TAFA2: variants seen among roughly 807,000 people sequenced by gnomAD.
TAFA2 encodes the protein TAFA chemokine like family member 2, also known as chemokine-like protein TAFA-2.
TAFA2 carries 7 observed loss-of-function variants against 18.8 expected under a neutral mutation model. The ratio of observed to expected loss-of-function variants is 0.37; its 90% CI spans 0.21 to 0.70. The LOEUF (loss-of-function observed/expected upper bound fraction) is 0.70. Ranked by LOEUF, TAFA2 falls within the 30% of genes least tolerant of loss-of-function variation. The pLI is 0.53. For missense variants in TAFA2, 122 were observed against 158.1 expected (o/e 0.77, Z 1.23); for synonymous variants, 60 against 54.2 (o/e 1.11, Z -0.47).
intron 1 of TAFA2, among the ~76,000 whole-genome samples, chr12:62,070,197 C>T (rs1393634187): frequency 6.6e-6 from 1 of 152,144 alleles, no homozygotes; most frequent in East Asian, 1.9e-4. Flanking sequence ...TAGCAATGGA[C>T]TGCAGAGATA....
chr12:62,256,558 G>A (rs1338933492), intron 1 of TAFA2, among the ~76,000 whole-genome samples: 4 of 152,092 alleles, frequency 2.6e-5, no homozygotes, highest in African/African-American at 9.7e-5. Context: ...ATAAGAAAAC[G>A]AATGGTCACA....
chr12:62,238,287 A>G (rs2136988189), intron 1 of TAFA2, among the ~76,000 whole-genome samples: 1 of 152,272 alleles, frequency 6.6e-6, no homozygotes, highest in East Asian at 1.9e-4. Context: ...CTCAGCCCCA[A>G]ATTTAAATTC....
intron 1 of TAFA2, among the ~76,000 whole-genome samples, chr12:61,980,408 T>A (rs1022058800): frequency 2.6e-5 from 4 of 152,148 alleles, no homozygotes; most frequent in Non-Finnish European, 5.9e-5. Flanking sequence ...AAGACAAGGA[T>A]GCCCTCTCTC....
At chr12:62,258,108 AAAT>A (rs1389765582) in intron 1 of TAFA2, 1 of 152,196 alleles carries the variant, frequency 6.6e-6, no homozygotes, top group Non-Finnish European at 1.5e-5. Flanking sequence ...TATAGACTTG[AAAT>A]AATAATAGTA....
intron 1 of TAFA2, among the ~76,000 whole-genome samples, chr12:62,060,884 T>C (rs941986717): frequency 6.6e-6 from 1 of 152,050 alleles, no homozygotes; most frequent in Non-Finnish European, 1.5e-5. Flanking sequence ...GAACATCCCA[T>C]GTACCCCATA....
chr12:62,249,261 C>CG (rs1322630675), intron 1 of TAFA2, among the ~76,000 whole-genome samples: 1 of 112,908 alleles, frequency 8.9e-6, no homozygotes, highest in African/African-American at 3.8e-5. Context: ...CTGCTCCCTC[C>CG]TTTTTTTTCC....
intron 2 of TAFA2, among the ~76,000 whole-genome samples, chr12:61,757,088 A>T (rs1195985271): frequency 1.3e-5 from 2 of 152,076 alleles, no homozygotes; most frequent in Admixed American, 1.3e-4. Flanking sequence ...GTATTACATC[A>T]TCTATCTATT....
intron 1 of TAFA2, among the ~76,000 whole-genome samples, chr12:62,015,713 C>G (rs1157170097): frequency 6.6e-6 from 1 of 152,130 alleles, no homozygotes; most frequent in Non-Finnish European, 1.5e-5. Flanking sequence ...AGTTCACATC[C>G]TCACATAGAT....
chr12:62,057,468 G>T (rs1175589370), intron 1 of TAFA2, among the ~76,000 whole-genome samples: 2 of 151,664 alleles, frequency 1.3e-5, no homozygotes, highest in Non-Finnish European at 2.9e-5. Flanking sequence ...TTATATGAGG[G>T]TTTATTCCTA....
At chr12:62,122,959 A>G (rs543114520) in intron 1 of TAFA2, among the ~76,000 whole-genome samples, 12 of 152,160 alleles carry the variant, frequency 7.9e-5, no homozygotes, top group Non-Finnish European at 1.6e-4. Flanking sequence ...CTCAACATGC[A>G]TAAAACCAGT....
At chr12:61,783,751 G>GA (rs1870607616) in intron 2 of TAFA2, among the ~76,000 whole-genome samples, 1 of 151,194 alleles carries the variant, frequency 6.6e-6, no homozygotes, top group African/African-American at 2.4e-5. Context: ...TACATCCTAA[G>GA]AAAAAATCAA....
At chr12:62,252,607 A>G (rs2062919552) in intron 1 of TAFA2, 1 of 152,162 alleles carries the variant, frequency 6.6e-6, no homozygotes, top group South Asian at 2.1e-4. Flanking sequence ...ACACAGCAAC[A>G]TATGCTGGCC....
intron 1 of TAFA2, among the ~76,000 whole-genome samples, chr12:62,150,286 T>C (rs956144257): frequency 2.0e-5 from 3 of 152,226 alleles, no homozygotes; most frequent in Non-Finnish European, 4.4e-5. Flanking sequence ...TTTCTGTATA[T>C]GGACCTTTAT....
At chr12:62,155,216 T>A (rs2062360245) in intron 1 of TAFA2, among the ~76,000 whole-genome samples, 1 of 151,984 alleles carries the variant, frequency 6.6e-6, no homozygotes, top group African/African-American at 2.4e-5. Context: ...AATATATACA[T>A]AATGCTTAGG....
chr12:61,831,154 T>C (rs1372257013), intron 2 of TAFA2, among the ~76,000 whole-genome samples: 1 of 152,094 alleles, frequency 6.6e-6, no homozygotes, highest in Non-Finnish European at 1.5e-5. Context: ...GTGTAAGGAT[T>C]TAATTGGATC....
intron 2 of TAFA2, among the ~76,000 whole-genome samples, chr12:61,810,292 G>A (rs900270210): frequency 2.0e-5 from 3 of 148,296 alleles, no homozygotes; most frequent in Non-Finnish European, 3.0e-5. Flanking sequence ...GGGGAAAATT[G>A]TTTTTAAGAA....
intron 1 of TAFA2, among the ~76,000 whole-genome samples, chr12:61,927,144 G>A (rs1009916904): frequency 1.3e-5 from 2 of 149,920 alleles, no homozygotes; most frequent in South Asian, 2.1e-4. Context: ...ATTCTACACA[G>A]TATTGGAAAT....
intron 1 of TAFA2, among the ~76,000 whole-genome samples, chr12:61,964,650 CTCT>C (rs141291928): frequency 6.6e-6 from 1 of 151,994 alleles, no homozygotes; most frequent in East Asian, 1.9e-4. Flanking sequence ...TCACTCCATA[CTCT>C]TCTTCATTCA....
chr12:62,107,925 TA>T (rs11365639), intron 1 of TAFA2, among the ~76,000 whole-genome samples: 34,048 of 152,106 alleles, frequency 0.22, 4,183 homozygotes, highest in East Asian at 0.37. Context: ...CTAAAGAATT[TA>T]ATTGTTTCAT....
Sources: allele counts gnomAD v4.1 joint callset (sites outside exome capture counted in the v4.1 genomes callset), GRCh38; gene constraint gnomAD v4.1.1; transcripts MANE v1.5; gene names NCBI Gene and HGNC (gene_info 2026-07-23, HGNC 2026-07-21).